HAP1: variants seen among roughly 807,000 people sequenced by gnomAD.
HAP1 encodes the protein huntingtin-associated protein 1.
HAP1 carries 59 observed loss-of-function variants against 60.3 expected under a neutral mutation model. The ratio of observed to expected loss-of-function variants is 0.98; its 90% CI spans 0.79 to 1.22. The LOEUF (loss-of-function observed/expected upper bound fraction) is 1.22, where lower values mean the gene tolerates loss of function less well. Ranked by LOEUF, HAP1 falls within the 50% of genes most tolerant of loss-of-function variation. The pLI, the probability that HAP1 is intolerant of heterozygous loss-of-function variation, is 0.00. For synonymous variants in HAP1, 346 were observed against 330.6 expected (o/e 1.05, Z -0.50); for missense variants, 825 against 785.3 (o/e 1.05, Z -0.60).
rs782796980 is a variant in HAP1 at position 41,734,614 on chromosome 17, G to A, written c.21C>T (p.Gly7=). The A allele has an allele frequency of 6.4e-5, 100 of 1,550,710 alleles. No individual in the cohort carries two copies. The highest frequency in any genetic ancestry group is 4.9e-4 in the African/African-American group (36 of 73,594). ...CGAGCCGGCTCCCCGCGCAGCACCG[G>A]CCCAACCTCTTCGGGCGCATCTCGA... MRPKRL[G]RCCAGSRLGP... Residue 7 remains glycine (G), a synonymous_variant, in exon 1 of 11, where the codon GGC becomes GGT. Coordinates refer to ENST00000347901, the MANE Select transcript of HAP1 (RefSeq NM_177977.3).
chr17:41,728,496 T>G (rs1379848508), intron 6 of HAP1, among the ~76,000 whole-genome samples, 165 bp from the exon 7 acceptor site: 1 of 152,186 alleles, frequency 6.6e-6, no homozygotes. Context: ...CAAGAAATGT[T>G]CATTGACTGA....
In HAP1 at chr17:41,724,485, C is replaced by T. The variant is rs1328664916; in HGVS notation, c.*216G>A. ...GAGGCGCAGTGTGGGGGCACAGTCC[C>T]AGCCCTAACCCCCAGCCCAGCCCCC... On this transcript the variant is annotated 3_prime_UTR_variant, in exon 11 of 11. Transcript: ENST00000347901. 1.7e-6 allele frequency: 1 copy of T among 581,904 alleles called. No homozygotes were observed. The highest frequency in any genetic ancestry group is 3.1e-6 in the Non-Finnish European group (1 of 326,242). The allele number at this position is 581,904 out of a possible 1,614,324, so 36.0% of individuals were successfully genotyped here.
chr17:41,731,745 T>C lies in HAP1; in HGVS notation c.897-2A>G, dbSNP rs1912220309. 3 of 1,607,902 alleles carry C rather than the reference T, an allele frequency of 1.9e-6. No homozygotes were observed. Among genetic ancestry groups the C allele is most frequent in the African/African-American group, 1.3e-5 (1 of 74,916 alleles). ...TGCAGCAATGCCTCCTGCGAAATCC[T>C]AGGGGAGGGAGGAATGGGAGTCAGG... On this transcript the variant is annotated splice_acceptor_variant, in intron 4 of 10. Transcript: ENST00000347901. LOFTEE classifies it high-confidence loss of function.
rs201166499 is a variant in HAP1, at chr17:41,734,613, G to C, written c.22C>G (p.Arg8Gly). 17 of 1,551,878 alleles carry C rather than the reference G, an allele frequency of 1.1e-5. No individual in the cohort carries two copies. Among genetic ancestry groups the C allele is most frequent in the Admixed American group, 1.8e-5 (1 of 54,208 alleles). ...CCGAGCCGGCTCCCCGCGCAGCACC[G>C]GCCCAACCTCTTCGGGCGCATCTCG... MRPKRLG[R>G]CCAGSRLGPG... Residue 8 changes from arginine (R) to glycine (G), a missense_variant, in exon 1 of 11, where the codon CGG becomes GGG. Physicochemically the swap from Arg to Gly is moderately radical, Grantham distance 125. Coordinates refer to ENST00000347901, the MANE Select transcript of HAP1 (RefSeq NM_177977.3).
At chr17:41,718,098 C>T (rs1429767451), downstream of HAP1, 1 of 433,986 alleles carries the variant, frequency 2.3e-6, no homozygotes, top group Non-Finnish European at 5.0e-6. Flanking sequence ...ATTTAACACA[C>T]AGAGTACCCA....
rs782457736 is a variant in HAP1, at chr17:41,727,094, A to G, written c.1326T>C (p.Ser442=). The change falls in exon 9 of 11, where the codon TCT becomes TCC. Residue 442 remains serine (S), a synonymous_variant. Coordinates refer to ENST00000347901, the MANE Select transcript of HAP1 (RefSeq NM_177977.3). ...CAGGGTCTGAGATCATCCTCCTTAG[A>G]GACGTTCTGAGCTCCTCAGCCAGCG... ...QETLAEELRT[S]LRRMISDPVY... 1.9e-6 allele frequency: 3 copies of G among 1,591,860 alleles called. No individual in the cohort carries two copies. The highest frequency in any genetic ancestry group is 2.2e-5 in the South Asian group (2 of 89,154).
rs1555588328 is a variant in HAP1 at position 41,724,928 on chromosome 17, G to C, written c.1633C>G (p.Leu545Val). Residue 545 changes from leucine (L) to valine (V), a missense_variant, in exon 11 of 11, where the codon CTG becomes GTG. Transcript: ENST00000347901. ...ATCCGCGTTGCCTCATCCAGCTCCA[G>C]TTCCACCTCCTCCCAGCCCTCGGTC... ...EETEGWEEVE[L>V]ELDEATRMNV... 1 of 1,613,284 alleles carries C rather than the reference G, an allele frequency of 6.2e-7. No homozygotes were observed. Among genetic ancestry groups the C allele is most frequent in the South Asian group, 1.1e-5 (1 of 91,072 alleles).
At chr17:41,719,298 G>A (rs1160568865), downstream of HAP1, among the ~76,000 whole-genome samples, 1 of 152,082 alleles carries the variant, frequency 6.6e-6, no homozygotes, top group Non-Finnish European at 1.5e-5. Flanking sequence ...TTTTAAAGCA[G>A]TAGATAGAAT....
intron 10 of HAP1, among the ~76,000 whole-genome samples, 173 bp from the exon 11 acceptor site, chr17:41,725,327 T>A (rs1345613292): frequency 6.6e-6 from 1 of 151,762 alleles, no homozygotes; most frequent in South Asian, 2.1e-4. Context: ...ATCCCCCTGG[T>A]GGGAGGGAGG....
At chr17:41,731,836 C>A in intron 4 of HAP1, 93 bp from the exon 5 acceptor site, 1 of 967,436 alleles carries the variant, frequency 1.0e-6, no homozygotes, top group South Asian at 1.4e-5. Context: ...TCAATTAGTT[C>A]CAGCAACCCT....
chr17:41,734,441 C>G lies in HAP1; in HGVS notation c.194G>C (p.Arg65Pro). 1 of 1,608,450 alleles carries G rather than the reference C, an allele frequency of 6.2e-7. No homozygotes were observed. Among genetic ancestry groups the G allele is most frequent in the Non-Finnish European group, 8.5e-7 (1 of 1,176,534 alleles). ...CTCCGAGGCCGGGCGAGCTCCGGTG[C>G]GGGCTTCCGAGAGGAACTGGGATCC... ...TSGSQFLSEA[R>P]TGARPASEAG... Residue 65 changes from arginine to proline, a missense_variant, in exon 1 of 11, where the codon CGC (arginine) becomes CCC (proline). Transcript: ENST00000347901.
Position 41,725,077 on chromosome 17 carries a change from T to C in HAP1, c.1484A>G (p.Asp495Gly). Reference sequence around the variant, plus strand: ...CGTGAAATCTTCCCCCCGCATGATATCCGCTGCCAGCATCAACCCTTCCTC... The same window carrying C: ...CGTGAAATCTTCCCCCCGCATGATACCCGCTGCCAGCATCAACCCTTCCTC... Reference protein sequence around the residue: ...EAEEGLMLAADIMRGEDFTPA... With the variant: ...EAEEGLMLAAGIMRGEDFTPA... The change falls in exon 11 of 11, where the codon GAT becomes GGT. Residue 495 changes from aspartate to glycine, a missense_variant. By Grantham distance (94) the Asp-to-Gly change is moderately conservative. Coordinates refer to ENST00000347901, the MANE Select transcript of HAP1 (RefSeq NM_177977.3). The C allele has an allele frequency of 6.2e-7, 1 of 1,613,564 alleles. No individual in the cohort carries two copies. Among genetic ancestry groups the C allele is most frequent in the Non-Finnish European group, 8.5e-7 (1 of 1,179,832 alleles).
downstream of HAP1, among the ~76,000 whole-genome samples, chr17:41,719,268 C>T (rs1555586580): frequency 6.6e-6 from 1 of 152,162 alleles, no homozygotes; most frequent in Admixed American, 6.5e-5. Flanking sequence ...GTGTGAGCCG[C>T]TGCACTCAGC....
chr17:41,734,609 C>A lies in HAP1; in HGVS notation c.26G>T (p.Cys9Phe), dbSNP rs149889145. Residue 9 changes from cysteine (C) to phenylalanine (F), a missense_variant, in exon 1 of 11, where the codon TGC becomes TTC. Cys to Phe is a radical substitution (Grantham distance 205, BLOSUM62 -2). Coordinates refer to ENST00000347901, the MANE Select transcript of HAP1 (RefSeq NM_177977.3). MRPKRLGR[C>F]CAGSRLGPGD... The stretch of plus-strand genomic sequence containing the variant: ...GGGTCCGAGCCGGCTCCCCGCGCAG[C>A]ACCGGCCCAACCTCTTCGGGCGCAT... 3.2e-6 allele frequency: 5 copies of A among 1,562,626 alleles called. No homozygotes were observed. Among genetic ancestry groups the A allele is most frequent in the East Asian group, 4.6e-5 (2 of 43,564 alleles).
chr17:41,727,421 C>T (rs1911748282), intron 8 of HAP1: 1 of 779,060 alleles, frequency 1.3e-6, no homozygotes, highest in Admixed American at 1.7e-5. Context: ...ACTTCTCCCG[C>T]AGGTCCTGCA....
At position 41,734,258 on chromosome 17, in the gene HAP1, G is replaced by A. The variant is rs1196983393; in HGVS notation, c.377C>T (p.Ala126Val). The A allele has an allele frequency of 1.2e-6, 2 of 1,605,352 alleles. No homozygotes were observed. Among genetic ancestry groups the A allele is most frequent in the Non-Finnish European group, 1.7e-6 (2 of 1,175,038 alleles). ...RATGRGTGKA[A>V]GIWKTPAAYV... ...GGCGGCTGGCGTCTTCCAGATGCCC[G>A]CTGCCTTTCCAGTCCCCCGGCCAGT... Residue 126 changes from alanine (A) to valine (V), a missense_variant, in exon 1 of 11, where the codon GCG becomes GTG. Coordinates refer to ENST00000347901, the MANE Select transcript of HAP1 (RefSeq NM_177977.3).
chr17:41,718,731 C>T (rs907247217), downstream of HAP1, among the ~76,000 whole-genome samples: 1 of 152,196 alleles, frequency 6.6e-6, no homozygotes, highest in African/African-American at 2.4e-5. Flanking sequence ...GGAAGGAAAA[C>T]GTCCTACGTA....
rs782146485 is a variant in HAP1 at position 41,732,371 on chromosome 17, G to A, written c.573C>T (p.Ser191=). 10 of 1,614,112 alleles carry A rather than the reference G, an allele frequency of 6.2e-6. No homozygotes were observed. The highest frequency in any genetic ancestry group is 4.4e-5 in the South Asian group (4 of 91,076). The change falls in exon 3 of 11, where the codon AGC becomes AGT. Residue 191 remains serine (S), a synonymous_variant. Transcript: ENST00000347901. ...LEELLPPVWE[S]VTYGMVLQRE... ...TCTGCAGGACCATCCCATAGGTAAC[G>A]CTCTCCCAGACAGGTGGGAGAAGCT...
At chr17:41,733,875 A>T (rs1912471086) in intron 1 of HAP1, among the ~76,000 whole-genome samples, 1 of 149,490 alleles carries the variant, frequency 6.7e-6, no homozygotes, top group African/African-American at 2.5e-5. Context: ...CGGTAGACCC[A>T]GGAGAGGGGC....
Sources: gnomAD v4.1 joint callset for allele counts (sites outside exome capture counted in the v4.1 genomes callset) on GRCh38, gnomAD v4.1.1 for gene constraint, MANE v1.5 for transcripts, NCBI Gene and HGNC (gene_info 2026-07-23, HGNC 2026-07-21) for gene names.